Variants in DNAH6 observed in about 807,000 individuals in gnomAD.
DNAH6 encodes axonemal beta dynein heavy chain 6.
In DNAH6, 340 loss-of-function variants were observed where a neutral mutation model predicts 491.4. The ratio of observed to expected loss-of-function variants is 0.69; its 90% confidence interval spans 0.63 to 0.76. DNAH6 has a LOEUF of 0.76. DNAH6 is among the 30% of genes least tolerant of loss of function. The probability of loss-of-function intolerance (pLI) is 0.00; values close to 1 mark genes in which losing one functional copy is unlikely to be tolerated. For missense variants in DNAH6, 4,443 were observed against 4,972.2 expected (o/e 0.89, Z 3.20); for synonymous variants, 1,603 against 1,686.1 (o/e 0.95, Z 1.21).
At chr2:84,535,170 T>C (rs546582089) in intron 4 of DNAH6, among the ~76,000 whole-genome samples, 1 of 152,160 alleles carries the variant, frequency 6.6e-6, no homozygotes, top group Non-Finnish European at 1.5e-5. Context: ...TATTAAGGTC[T>C]ACAATTCTCT....
chr2:84,635,003 A>G (rs540947361), intron 30 of DNAH6, among the ~76,000 whole-genome samples: 3 of 152,282 alleles, frequency 2.0e-5, no homozygotes, highest in Non-Finnish European at 2.9e-5. Flanking sequence ...CAGCCTCTAC[A>G]AACCAAAACA....
chr2:84,484,242 C>T, the DNAH6 span, among the ~76,000 whole-genome samples: 4 of 152,140 alleles, frequency 2.6e-5, no homozygotes, highest in Non-Finnish European at 5.9e-5. Context: ...ATCACATCAT[C>T]CCTTAGGTCC....
intron 70 of DNAH6, among the ~76,000 whole-genome samples, chr2:84,799,750 T>G (rs1026681393): frequency 6.6e-6 from 1 of 152,046 alleles, no homozygotes; most frequent in African/African-American, 2.4e-5. Context: ...AAGCCCCACT[T>G]GGGAAAAAGG....
intron 20 of DNAH6, among the ~76,000 whole-genome samples, chr2:84,606,095 A>G (rs575226414): frequency 3.2e-4 from 49 of 152,328 alleles, no homozygotes; most frequent in African/African-American, 1.1e-3. Context: ...CACAAAAGAA[A>G]ATAAATCTAA....
At chr2:84,473,035 T>C in the DNAH6 span, among the ~76,000 whole-genome samples, 1 of 152,156 alleles carries the variant, frequency 6.6e-6, no homozygotes, top group Non-Finnish European at 1.5e-5. Flanking sequence ...GCAAAACTTG[T>C]TGAGGTCCTG....
rs751996571 is a variant in DNAH6, at chr2:84,727,879, C to T, written c.10183C>T (p.Arg3395Ter). 2.6e-6 allele frequency: 4 copies of T among 1,550,998 alleles called. No homozygotes were observed. Among genetic ancestry groups the T allele is most frequent in the Non-Finnish European group, 3.5e-6 (4 of 1,146,182 alleles). ...LSDAEWNFFL[R>*]GSAGLEKERP... ...TGATGCTGAATGGAATTTCTTTCTCCGAGGTTCTGCAGGATTGGAAAAGGT... is the reference window on the plus strand; with the variant it reads ...TGATGCTGAATGGAATTTCTTTCTCTGAGGTTCTGCAGGATTGGAAAAGGT... Residue 3395 changes from arginine (R) to a stop codon, truncating the protein, a stop_gained, in exon 61 of 77, where the codon CGA becomes TGA. Transcript: ENST00000389394. LOFTEE classifies it high-confidence loss of function.
intron 11 of DNAH6, among the ~76,000 whole-genome samples, chr2:84,571,757 C>CA (rs34657775): frequency 0.016 from 1,645 of 103,996 alleles, 21 homozygotes; most frequent in Middle Eastern, 0.042. Flanking sequence ...ACTAAAATTA[C>CA]AAAAAAAAAA....
intron 18 of DNAH6, among the ~76,000 whole-genome samples, chr2:84,602,960 T>A (rs2104271669): frequency 6.6e-6 from 1 of 152,214 alleles, no homozygotes; most frequent in East Asian, 1.9e-4. Flanking sequence ...TTTTGTTCGA[T>A]TTGTAATTGT....
chr2:84,503,007 G>T, the DNAH6 span, among the ~76,000 whole-genome samples: 1 of 152,012 alleles, frequency 6.6e-6, no homozygotes, highest in Middle Eastern at 3.4e-3. Context: ...TTATTATTTA[G>T]AACTAAGCAC....
At chr2:84,498,344 G>A in the DNAH6 span, among the ~76,000 whole-genome samples, 1 of 152,170 alleles carries the variant, frequency 6.6e-6, no homozygotes, top group Non-Finnish European at 1.5e-5. Flanking sequence ...ACTCTTCAGA[G>A]CACCTGGCCC....
At chr2:84,486,917 A>G in the DNAH6 span, among the ~76,000 whole-genome samples, 6 of 152,178 alleles carry the variant, frequency 3.9e-5, no homozygotes, top group Non-Finnish European at 7.4e-5. Context: ...TTTATTTAGC[A>G]TCATTTATAA....
chr2:84,791,924 A>G (rs1677792991), intron 68 of DNAH6, among the ~76,000 whole-genome samples: 1 of 152,156 alleles, frequency 6.6e-6, no homozygotes, highest in Non-Finnish European at 1.5e-5. Context: ...CTGCCTACCA[A>G]AAGCTGATGG....
intron 63 of DNAH6, among the ~76,000 whole-genome samples, chr2:84,748,944 AAACATGTCACACGGTGTG>A (rs1293996121): frequency 6.6e-6 from 1 of 152,208 alleles, no homozygotes; most frequent in Non-Finnish European, 1.5e-5. Context: ...AAGGGGGAGC[AAACATGTCACACGGTGTG>A]AGAGAGAGCA....
chr2:84,683,061 A>G (rs970246327), intron 42 of DNAH6, among the ~76,000 whole-genome samples: 2 of 65,820 alleles, frequency 3.0e-5, no homozygotes, highest in African/African-American at 8.1e-5. Context: ...CTCTGACACC[A>G]GATAGCCACA....
At chr2:84,511,992 G>C (rs571269694), upstream of DNAH6, among the ~76,000 whole-genome samples, 2 of 152,242 alleles carry the variant, frequency 1.3e-5, no homozygotes, top group South Asian at 4.2e-4. Flanking sequence ...AAAATGTATT[G>C]AGACTTGTTT....
chr2:84,609,014 T>C (rs1427063680), intron 21 of DNAH6, among the ~76,000 whole-genome samples: 1 of 152,202 alleles, frequency 6.6e-6, no homozygotes, highest in African/African-American at 2.4e-5. Context: ...AGTGATAGCT[T>C]CTTTCAGTCT....
intron 16 of DNAH6, among the ~76,000 whole-genome samples, chr2:84,592,332 G>A (rs577816589): frequency 1.3e-5 from 2 of 151,922 alleles, no homozygotes; most frequent in South Asian, 4.2e-4. Context: ...TGGTCAACAG[G>A]CATGTGAAAA....
At position 84,525,607 on chromosome 2, in the gene DNAH6, A is replaced by G. The variant is rs1295263505; in HGVS notation, c.268A>G (p.Ile90Val). 5 of 1,549,752 alleles carry G rather than the reference A, an allele frequency of 3.2e-6. No individual in the cohort carries two copies. Among genetic ancestry groups the G allele is most frequent in the Middle Eastern group, 1.7e-4 (1 of 5,998 alleles). Residue 90 changes from isoleucine (I) to valine (V), a missense_variant, in exon 3 of 77, where the codon ATA becomes GTA. Ile to Val is a conservative substitution (Grantham distance 29). Coordinates refer to ENST00000389394, the MANE Select transcript of DNAH6 (RefSeq NM_001370.2). ...CCAAGATCATAAGCAGCCAGAATAC[A>G]TACATGAACAGAACCGATTTCAGTT... The part of the protein sequence containing the change: ...VYQDHKQPEY[I>V]HEQNRFQLMT...
the DNAH6 span, among the ~76,000 whole-genome samples, chr2:84,471,570 ACT>A: frequency 6.6e-6 from 1 of 151,906 alleles, no homozygotes; most frequent in African/African-American, 2.4e-5. Flanking sequence ...AAGCATTGTG[ACT>A]CTGGTCGGTC....
Sources: gnomAD v4.1 joint callset for allele counts (sites outside exome capture counted in the v4.1 genomes callset) on GRCh38, gnomAD v4.1.1 for gene constraint, MANE v1.5 for transcripts, NCBI Gene and HGNC (gene_info 2026-07-23, HGNC 2026-07-21) for gene names.